The following TSPAN17 variants were observed in gnomAD, a reference collection of about 807,000 sequenced individuals.
TSPAN17 encodes the protein tetraspanin 17, also known as tetraspanin-17.
In TSPAN17, 33 loss-of-function variants were observed where a neutral mutation model predicts 40.5. The observed-to-expected ratio is 0.81, with a 90% CI of 0.62 to 1.09. The LOEUF is 1.09. Among genes scored for constraint, TSPAN17 ranks in the 50% least tolerant of loss-of-function variants. The probability of loss-of-function intolerance (pLI) is 0.00; values close to 1 mark genes in which losing one functional copy is unlikely to be tolerated. For missense variants in TSPAN17, 365 were observed against 416.8 expected (o/e 0.88, Z 1.08); for synonymous variants, 166 against 169.4 (o/e 0.98, Z 0.15).
chr5:176,656,745 CAG>C lies in TSPAN17; in HGVS notation c.677_678del (p.Gln226LeufsTer2). The stretch of plus-strand genomic sequence containing the variant: ...CATCCACACCAAAGGCTGCGTGGGC[CAG>C]TTTGAGAAGTGGCTGCAGGACAACC... Reference protein sequence around the residue: ...GFIHTKGCVGQFEKWLQDNLI... With the variant: ...GFIHTKGCVGXFEKWLQDNLI... On this transcript the variant is annotated frameshift_variant, in exon 7 of 9. Coordinates refer to ENST00000508164, the MANE Select transcript of TSPAN17 (RefSeq NM_130465.5). LOFTEE classifies it high-confidence loss of function. 6.2e-7 allele frequency: 1 copy of C among 1,614,198 alleles called. No homozygotes were observed. The highest frequency in any genetic ancestry group is 8.5e-7 in the Non-Finnish European group (1 of 1,180,016).
chr5:176,647,808 G>C (rs769644290), intron 1 of TSPAN17, 106 bp downstream of exon 1: 1 of 1,128,410 alleles, frequency 8.9e-7, no homozygotes, highest in Non-Finnish European at 1.2e-6. Flanking sequence ...TTTGGAGCTC[G>C]GGACCATCCC....
In TSPAN17 at chr5:176,650,982, G is replaced by A. The variant is rs1052943867; in HGVS notation, c.88-634G>A. ...GGGGAGTCTAGCTGGTGTTCTGAAG[G>A]CCCAGGCAGAGCTGTGGCCATGGGG... On this transcript the variant is annotated intron_variant, in intron 1 of 8. Transcript: ENST00000508164. The surrounding 1 kb of genome is among the most constrained non-coding windows in gnomAD (Gnocchi z 4.0). 6.6e-6 allele frequency among the ~76,000 whole-genome samples: 1 copy of A among 152,242 alleles called. No homozygotes were observed. The highest frequency in any genetic ancestry group is 2.4e-5 in the African/African-American group (1 of 41,470).
intron 6 of TSPAN17, 52 bp downstream of exon 6, chr5:176,656,177 G>A (rs1186384126): frequency 3.8e-6 from 6 of 1,590,076 alleles, no homozygotes; most frequent in Non-Finnish European, 5.2e-6. Flanking sequence ...TACTGGGTTG[G>A]GTATGAGAGT....
Position 176,651,599 on chromosome 5 carries a change from TG to T in TSPAN17, c.88-16del. 6.2e-7 allele frequency: 1 copy of T among 1,609,912 alleles called. No individual in the cohort carries two copies. Among genetic ancestry groups the T allele is most frequent in the East Asian group, 2.2e-5 (1 of 44,774 alleles). On this transcript the variant is annotated splice_polypyrimidine_tract_variant and intron_variant, in intron 1 of 8. Transcript: ENST00000508164. The surrounding 1 kb of genome is among the most constrained non-coding windows in gnomAD (Gnocchi z 4.5). ...GGGCTGCTCCCAGCCCTGAGCTCTT[TG>T]TTGCTGCCCTTGCAGGTGCTGGGAG...
chr5:176,654,936 C>T lies in TSPAN17; in HGVS notation c.498C>T (p.Leu166=). The T allele has an allele frequency of 6.2e-7, 1 of 1,613,870 alleles. No individual in the cohort carries two copies. Among genetic ancestry groups the T allele is most frequent in the South Asian group, 1.1e-5 (1 of 90,996 alleles). ...CGARGPNDWN[L]NIYFNCTDLN... ...CCCGAGGCCCCAATGACTGGAACCT[C>T]AATATCTACTTCAACTGCACTGACT... is the stretch of plus-strand genomic sequence containing the variant. The change falls in exon 5 of 9, where the codon CTC becomes CTT. Residue 166 remains leucine (L), a synonymous_variant. Coordinates refer to ENST00000508164, the MANE Select transcript of TSPAN17 (RefSeq NM_130465.5). The surrounding 1 kb of genome is among the most constrained non-coding windows in gnomAD (Gnocchi z 4.3).
At position 176,651,049 on chromosome 5, in the gene TSPAN17, A is replaced by C. The variant is rs1760945470; in HGVS notation, c.88-567A>C. On this transcript the variant is annotated intron_variant, in intron 1 of 8. Coordinates refer to ENST00000508164, the MANE Select transcript of TSPAN17 (RefSeq NM_130465.5). The surrounding 1 kb of genome is among the most constrained non-coding windows in gnomAD (Gnocchi z 4.5). The stretch of plus-strand genomic sequence containing the variant: ...GGCCAGATCCTAGGTGGATCCTGCT[A>C]GGGATGATTGAGATTCCTGTCATTC... Among the ~76,000 whole-genome samples, 1 of 152,136 alleles carries C rather than the reference A, an allele frequency of 6.6e-6. No individual in the cohort carries two copies. The highest frequency in any genetic ancestry group is 1.5e-5 in the Non-Finnish European group (1 of 68,014).
rs1009044591 is a variant in TSPAN17, at chr5:176,657,765, C to T, written c.*67C>T. 59 of 1,520,304 alleles carry T rather than the reference C, an allele frequency of 3.9e-5. No individual in the cohort carries two copies. In the Middle Eastern group the frequency reaches 1.0e-3, roughly 26 times the overall value. The allele number at this position is 1,520,304 out of a possible 1,614,324, so 94.2% of individuals were successfully genotyped here. A position where few individuals can be genotyped will look rare whatever the true frequency, so the allele number is the denominator to read the frequency against. On this transcript the variant is annotated 3_prime_UTR_variant, in exon 9 of 9. Transcript: ENST00000508164. ...TGACCACCTGGCTACGCCGGCTCTT[C>T]GGTGGCAACACTACCTGGGACACTG...
rs1218658127 is a variant in TSPAN17, at chr5:176,656,102, G to T, written c.607G>T (p.Gly203Cys). The T allele has an allele frequency of 7.4e-6, 12 of 1,614,066 alleles. No individual in the cohort carries two copies. Among genetic ancestry groups the T allele is most frequent in the Non-Finnish European group, 9.3e-6 (11 of 1,180,028 alleles). The change falls in exon 6 of 9, where the codon GGC (glycine) becomes TGC (cysteine). Residue 203 changes from glycine to cysteine, a missense_variant. By Grantham distance (159) the Gly-to-Cys change is radical (BLOSUM62 -3). Coordinates refer to ENST00000508164, the MANE Select transcript of TSPAN17 (RefSeq NM_130465.5). ...GGAGGATGTCCTCAACACCCAGTGT[G>T]GCTACGACGTCCGGCTCAAACTGGT... ...PAEDVLNTQC[G>C]YDVRLKLELE...
Position 176,657,858 on chromosome 5 carries a change from A to C in TSPAN17, c.*160A>C. ...CCTAAGTGCCGCCTGACCCTTGTAC[A>C]CTAGGAGCTGGCCTCCCACCTCTGC... On this transcript the variant is annotated 3_prime_UTR_variant, in exon 9 of 9. Coordinates refer to ENST00000508164, the MANE Select transcript of TSPAN17 (RefSeq NM_130465.5). The C allele has an allele frequency of 7.5e-7, 1 of 1,329,050 alleles. No individual in the cohort carries two copies. The highest frequency in any genetic ancestry group is 1.0e-6 in the Non-Finnish European group (1 of 1,003,250). 82.3% of individuals were successfully genotyped at this position (1,329,050 alleles called of 1,614,324 possible).
chr5:176,655,049 G>A, intron 5 of TSPAN17, 29 bp downstream of exon 5: 5 of 1,581,914 alleles, frequency 3.2e-6, no homozygotes, highest in Non-Finnish European at 3.4e-6. Flanking sequence ...GGAGAGGTAA[G>A]GGACTTTCCA....
At position 176,654,643 on chromosome 5, in the gene TSPAN17, A is replaced by G. The variant is rs1581196968; in HGVS notation, c.457-252A>G. 4.0e-6 allele frequency: 2 copies of G among 498,890 alleles called. No homozygotes were observed. Among genetic ancestry groups the G allele is most frequent in the Non-Finnish European group, 7.2e-6 (2 of 277,128 alleles). The allele number at this position is 498,890 out of a possible 1,614,324, so 30.9% of individuals were successfully genotyped here. On this transcript the variant is annotated intron_variant, in intron 4 of 8. Transcript: ENST00000508164. This position sits in a 1 kb window ranked among gnomAD's most constrained non-coding sequence, Gnocchi z 4.3. ...GTCATTGAACCAGTATCCTTGTCCC[A>G]CTCCCTCCCTTTTTCTAGCCTCTCT...
Position 176,651,553 on chromosome 5 carries a change from G to C in TSPAN17, c.88-63G>C, listed in dbSNP as rs1760963061. The C allele has an allele frequency of 1.8e-5, 27 of 1,538,274 alleles. No individual in the cohort carries two copies. Among genetic ancestry groups the C allele is most frequent in the Non-Finnish European group, 2.3e-5 (26 of 1,139,852 alleles). On this transcript the variant is annotated intron_variant, in intron 1 of 8. Coordinates refer to ENST00000508164, the MANE Select transcript of TSPAN17 (RefSeq NM_130465.5). The surrounding 1 kb of genome is among the most constrained non-coding windows in gnomAD (Gnocchi z 4.5). ...TGGAAAGGCCCTGGCTACCGGGGAA[G>C]GATGAGGGGGGAGGGTCCTGGGGCT... is the stretch of plus-strand genomic sequence containing the variant.
chr5:176,655,284 C>T (rs775130455), intron 5 of TSPAN17, among the ~76,000 whole-genome samples: 1 of 152,172 alleles, frequency 6.6e-6, no homozygotes, highest in Non-Finnish European at 1.5e-5. Flanking sequence ...CTCCCTGCAC[C>T]CTATACCTCT....
At position 176,651,558 on chromosome 5, in the gene TSPAN17, A is replaced by T; in HGVS notation, c.88-58A>T. On this transcript the variant is annotated intron_variant, in intron 1 of 8. Coordinates refer to ENST00000508164, the MANE Select transcript of TSPAN17 (RefSeq NM_130465.5). This position sits in a 1 kb window ranked among gnomAD's most constrained non-coding sequence, Gnocchi z 4.5. ...AGGCCCTGGCTACCGGGGAAGGATGAGGGGGGAGGGTCCTGGGGCTGCTCC... is the reference window on the plus strand; with the variant it reads ...AGGCCCTGGCTACCGGGGAAGGATGTGGGGGGAGGGTCCTGGGGCTGCTCC... 1 of 1,548,762 alleles carries T rather than the reference A, an allele frequency of 6.5e-7. No homozygotes were observed. Among genetic ancestry groups the T allele is most frequent in the Non-Finnish European group, 8.7e-7 (1 of 1,144,714 alleles).
At chr5:176,657,176 C>T in intron 8 of TSPAN17, 1 of 620,002 alleles carries the variant, frequency 1.6e-6, no homozygotes, top group South Asian at 2.0e-5. Flanking sequence ...TGTGTACACA[C>T]ACATGCAGGC....
Position 176,647,720 on chromosome 5 carries a change from G to A in TSPAN17, c.87+18G>A. ...TCTTCTGGGTGAGCGCGGGGTCTGCGCCTTGCCCTGTGCTGGGGGGTGGTG... is the reference window on the plus strand; with the variant it reads ...TCTTCTGGGTGAGCGCGGGGTCTGCACCTTGCCCTGTGCTGGGGGGTGGTG... On this transcript the variant is annotated intron_variant, in intron 1 of 8. Transcript: ENST00000508164. 1 of 1,570,730 alleles carries A rather than the reference G, an allele frequency of 6.4e-7. No individual in the cohort carries two copies. The highest frequency in any genetic ancestry group is 8.6e-7 in the Non-Finnish European group (1 of 1,159,406).
At position 176,651,608 on chromosome 5, in the gene TSPAN17, C is replaced by T. The variant is rs1252378965; in HGVS notation, c.88-8C>T. ...CCAGCCCTGAGCTCTTTGTTGCTGCCCTTGCAGGTGCTGGGAGCCCTGTTC... is the reference window on the plus strand; with the variant it reads ...CCAGCCCTGAGCTCTTTGTTGCTGCTCTTGCAGGTGCTGGGAGCCCTGTTC... On this transcript the variant is annotated splice_polypyrimidine_tract_variant and splice_region_variant and intron_variant, in intron 1 of 8. Coordinates refer to ENST00000508164, the MANE Select transcript of TSPAN17 (RefSeq NM_130465.5). This position sits in a 1 kb window ranked among gnomAD's most constrained non-coding sequence, Gnocchi z 4.5. The T allele has an allele frequency of 6.2e-7, 1 of 1,611,982 alleles. No homozygotes were observed. Among genetic ancestry groups the T allele is most frequent in the East Asian group, 2.2e-5 (1 of 44,842 alleles).
At position 176,654,688 on chromosome 5, in the gene TSPAN17, C is replaced by G. The variant is rs1203219552; in HGVS notation, c.457-207C>G. Reference sequence around the variant, plus strand: ...CTCTCTTGGGTCGGGGAAGGGGGAGCTCAGTGTCCCCTCCCTTGCACCCCT... The same window carrying G: ...CTCTCTTGGGTCGGGGAAGGGGGAGGTCAGTGTCCCCTCCCTTGCACCCCT... On this transcript the variant is annotated intron_variant, in intron 4 of 8. Coordinates refer to ENST00000508164, the MANE Select transcript of TSPAN17 (RefSeq NM_130465.5). This position sits in a 1 kb window ranked among gnomAD's most constrained non-coding sequence, Gnocchi z 4.3. 9 of 580,334 alleles carry G rather than the reference C, an allele frequency of 1.6e-5. No homozygotes were observed. Among genetic ancestry groups the G allele is most frequent in the Non-Finnish European group, 2.7e-5 (9 of 330,596 alleles). 35.9% of individuals were successfully genotyped at this position (580,334 alleles called of 1,614,324 possible). A position where few individuals can be genotyped will look rare whatever the true frequency, so the allele number is the denominator to read the frequency against.
intron 6 of TSPAN17, among the ~76,000 whole-genome samples, chr5:176,656,422 G>A (rs896695156): frequency 1.2e-4 from 18 of 152,166 alleles, no homozygotes; most frequent in East Asian, 1.9e-4. Context: ...GGAGAAAGAC[G>A]GTAAGCCCTT....
Sources: allele counts gnomAD v4.1 joint callset (sites outside exome capture counted in the v4.1 genomes callset), GRCh38; gene constraint gnomAD v4.1.1; non-coding constraint Gnocchi (gnomAD v3.1); transcripts MANE v1.5; gene names NCBI Gene and HGNC (gene_info 2026-07-23, HGNC 2026-07-21).